Variants in NLGN4Y observed in about 807,000 individuals in gnomAD.
The protein encoded by NLGN4Y is neuroligin-4, Y-linked.
A neutral mutation model predicts 8.4 loss-of-function variants in NLGN4Y; 4 were observed. The observed-to-expected ratio is 0.48, with a 90% confidence interval of 0.23 to 1.09. The LOEUF is 1.09. Ranked by LOEUF, NLGN4Y falls within the 50% of genes least tolerant of loss-of-function variation. The probability of loss-of-function intolerance (pLI) is 0.19; values close to 1 mark genes in which losing one functional copy is unlikely to be tolerated. For synonymous variants in NLGN4Y, 35 were observed against 75.6 expected, an observed-to-expected ratio of 0.46 and a Z score of 2.78; for missense variants, 90 against 192.3, an observed-to-expected ratio of 0.47 and a Z score of 3.15.
chrY:14,777,193 G>C (rs769541588), intron 4 of NLGN4Y, among the ~76,000 whole-genome samples: 1 of 33,819 alleles, frequency 3.0e-5, no homozygotes, highest in East Asian at 7.8e-4. Flanking sequence ...ATAAAGTGTA[G>C]GTTTTGAAAT....
Position 14,843,493 on chromosome Y carries a change from C to G in NLGN4Y, c.*2231C>G. The G allele has an allele frequency of 8.2e-6, 1 of 121,403 alleles. No homozygotes were observed. The highest frequency in any genetic ancestry group is 1.8e-5 in the Non-Finnish European group (1 of 56,147). 30.3% of individuals were successfully genotyped at this position (121,403 alleles called of 400,897 possible). The stretch of plus-strand genomic sequence containing the variant: ...GTTTTGTCTGTCTATAATATGAATT[C>G]AAGTATCTGTTCATATTTCCAATTG... On this transcript the variant is annotated 3_prime_UTR_variant, in exon 7 of 7. Coordinates refer to ENST00000684976, the MANE Select transcript of NLGN4Y (RefSeq NM_001365588.1).
intron 3 of NLGN4Y, among the ~76,000 whole-genome samples, chrY:14,721,521 G>T (rs1039516909): frequency 2.8e-4 from 9 of 32,691 alleles, no homozygotes; most frequent in Non-Finnish European, 4.5e-4. Context: ...ACATTCTTTT[G>T]TGTGCTTTAC....
chrY:14,573,869 A>G, intron 1 of NLGN4Y, among the ~76,000 whole-genome samples: 1 of 33,606 alleles, frequency 3.0e-5, no homozygotes, highest in East Asian at 7.7e-4. Flanking sequence ...GTAGCCATTC[A>G]GGGGCAGGTT....
Position 14,842,083 on chromosome Y carries a change from A to G in NLGN4Y, c.*821A>G. On this transcript the variant is annotated 3_prime_UTR_variant, in exon 7 of 7. Coordinates refer to ENST00000684976, the MANE Select transcript of NLGN4Y (RefSeq NM_001365588.1). ...TGGGATTTTCTGACGTAAGATTTTCATTTGTAGGAATATGTGATGTCAAAT... is the reference window on the plus strand; with the variant it reads ...TGGGATTTTCTGACGTAAGATTTTCGTTTGTAGGAATATGTGATGTCAAAT... 1 of 119,939 alleles carries G rather than the reference A, an allele frequency of 8.3e-6. No individual in the cohort carries two copies. Among genetic ancestry groups the G allele is most frequent in the Admixed American group, 1.0e-4 (1 of 9,574 alleles). 29.9% of individuals were successfully genotyped at this position (119,939 alleles called of 400,897 possible). A position where few individuals can be genotyped will look rare whatever the true frequency, so the allele number is the denominator to read the frequency against.
At chrY:14,782,921 C>T in intron 4 of NLGN4Y, among the ~76,000 whole-genome samples, 1 of 33,631 alleles carries the variant, frequency 3.0e-5, no homozygotes, top group Non-Finnish European at 7.4e-5. Flanking sequence ...GAGGCTGGGG[C>T]ATTGGAACTG....
intron 4 of NLGN4Y, among the ~76,000 whole-genome samples, chrY:14,725,173 C>G: frequency 3.0e-5 from 1 of 33,517 alleles, no homozygotes; most frequent in Non-Finnish European, 7.4e-5. Context: ...TCAGATGCTT[C>G]CATTCCATAT....
At chrY:14,832,246 T>G in intron 6 of NLGN4Y, among the ~76,000 whole-genome samples, 1 of 34,092 alleles carries the variant, frequency 2.9e-5, no homozygotes, top group East Asian at 7.8e-4. Flanking sequence ...GTTGGTTGGT[T>G]TTTTTGGCAA....
intron 1 of NLGN4Y, among the ~76,000 whole-genome samples, chrY:14,548,113 A>G (rs760098578): frequency 3.1e-5 from 1 of 32,454 alleles, no homozygotes; most frequent in African/African-American, 1.2e-4. Flanking sequence ...GTTTTTCCAT[A>G]TTTTCTTGTT....
At chrY:14,716,929 A>G in intron 2 of NLGN4Y, among the ~76,000 whole-genome samples, 1 of 34,278 alleles carries the variant, frequency 2.9e-5, no homozygotes, top group African/African-American at 1.1e-4. Context: ...ACTTAATATC[A>G]TTAGTTATTA....
At chrY:14,538,395 T>C (rs2080139505) in intron 1 of NLGN4Y, among the ~76,000 whole-genome samples, 2 of 34,547 alleles carry the variant, frequency 5.8e-5, no homozygotes, top group African/African-American at 2.3e-4. Context: ...ATGATTTCAT[T>C]TTCAAAACAG....
intron 1 of NLGN4Y, among the ~76,000 whole-genome samples, chrY:14,543,598 T>G: frequency 3.0e-5 from 1 of 33,740 alleles, no homozygotes; most frequent in African/African-American, 1.2e-4. Context: ...GACAGCTCTT[T>G]GGACTCACTA....
intron 2 of NLGN4Y, among the ~76,000 whole-genome samples, chrY:14,642,395 G>A (rs1569363534): frequency 3.0e-5 from 1 of 33,815 alleles, no homozygotes; most frequent in African/African-American, 1.1e-4. Context: ...TTTCAATCTA[G>A]GTGTCTCTTT....
intron 1 of NLGN4Y, among the ~76,000 whole-genome samples, chrY:14,596,274 A>T: frequency 6.0e-5 from 2 of 33,422 alleles, no homozygotes; most frequent in African/African-American, 2.3e-4. Flanking sequence ...TATCTTTCTG[A>T]TTGGTGAGCC....
At chrY:14,774,732 C>T (rs2081118352) in intron 4 of NLGN4Y, among the ~76,000 whole-genome samples, 1 of 33,003 alleles carries the variant, frequency 3.0e-5, no homozygotes, top group South Asian at 6.8e-4. Flanking sequence ...TGGCCCTGTT[C>T]ACAATAGCAA....
chrY:14,717,121 C>T (rs2080917835), intron 2 of NLGN4Y, among the ~76,000 whole-genome samples: 1 of 33,742 alleles, frequency 3.0e-5, no homozygotes, highest in African/African-American at 1.2e-4. Flanking sequence ...CGGCCGGGCG[C>T]TGTGGCTCAC....
chrY:14,756,709 C>T, intron 4 of NLGN4Y, among the ~76,000 whole-genome samples: 1 of 26,050 alleles, frequency 3.8e-5, no homozygotes, highest in Admixed American at 4.1e-4. Context: ...CACACCATTG[C>T]ACTCCATCCC....
intron 2 of NLGN4Y, among the ~76,000 whole-genome samples, chrY:14,648,202 G>C: frequency 3.0e-5 from 1 of 33,581 alleles, no homozygotes; most frequent in South Asian, 6.6e-4. Flanking sequence ...CAGGCGGGCA[G>C]ATCAAGACCA....
At chrY:14,763,855 C>G in intron 4 of NLGN4Y, among the ~76,000 whole-genome samples, 1 of 33,174 alleles carries the variant, frequency 3.0e-5, no homozygotes, top group African/African-American at 1.2e-4. Flanking sequence ...GTAAGGCTGC[C>G]TGATCTTTAG....
chrY:14,802,265 ACT>A (rs2150583879), intron 4 of NLGN4Y, among the ~76,000 whole-genome samples: 1 of 31,946 alleles, frequency 3.1e-5, no homozygotes, highest in Admixed American at 3.0e-4. Context: ...TGTATCTCTC[ACT>A]CTTTCTCTGG....
Sources: gnomAD v4.1 joint callset for allele counts (sites outside exome capture counted in the v4.1 genomes callset) on GRCh38, gnomAD v4.1.1 for gene constraint, MANE v1.5 for transcripts, NCBI Gene and HGNC (gene_info 2026-07-23, HGNC 2026-07-21) for gene names.